The following BAZ2B variants were observed in gnomAD, a reference collection of about 807,000 sequenced individuals.
BAZ2B encodes the protein bromodomain adjacent to zinc finger domain 2B.
A neutral mutation model predicts 246.0 loss-of-function variants in BAZ2B; 91 were observed. That is an observed-to-expected ratio of 0.37 (90% CI 0.31 to 0.44). The LOEUF is 0.44. Ranked by LOEUF, BAZ2B falls within the 20% of genes least tolerant of loss-of-function variation. BAZ2B has a pLI of 1.00. For synonymous variants in BAZ2B, 855 were observed against 860.0 expected, an observed-to-expected ratio of 0.99 and a Z score of 0.10; for missense variants, 2,332 against 2,533.7, an observed-to-expected ratio of 0.92 and a Z score of 1.71.
At chr2:159,350,980 C>T (rs942621880) in intron 27 of BAZ2B, among the ~76,000 whole-genome samples, 7 of 152,046 alleles carry the variant, frequency 4.6e-5, no homozygotes, top group Admixed American at 1.3e-4. Context: ...GTGGGTGCAG[C>T]GCACCAGCAT....
Position 159,431,113 on chromosome 2 carries a change from T to C in BAZ2B, c.1944A>G (p.Glu648=), listed in dbSNP as rs774113993. 1.9e-6 allele frequency: 3 copies of C among 1,612,450 alleles called. No individual in the cohort carries two copies. Among genetic ancestry groups the C allele is most frequent in the Admixed American group, 1.7e-5 (1 of 59,962 alleles). Residue 648 remains glutamate (E), a synonymous_variant, in exon 10 of 37, where the codon GAA becomes GAG. Coordinates refer to ENST00000392783, the MANE Select transcript of BAZ2B (RefSeq NM_013450.4). ...NSESDTEGSE[E]EDDDDKDQDE... is the part of the protein sequence containing the mutation. ...CTTGGTCTTTATCATCATCATCTTC[T>C]TCTTCTGATCCTTCTGTATCTGATT...
At chr2:159,685,202 T>C in the BAZ2B span, among the ~76,000 whole-genome samples, 3 of 152,112 alleles carry the variant, frequency 2.0e-5, no homozygotes, top group African/African-American at 7.2e-5. Flanking sequence ...AAGCTACAAA[T>C]AAAATATAGA....
chr2:159,673,816 A>G, the BAZ2B span, among the ~76,000 whole-genome samples: 6,314 of 152,254 alleles, frequency 0.041, 417 homozygotes, highest in African/African-American at 0.14. Flanking sequence ...ATTACATGTG[A>G]AGATATACAT....
At chr2:159,579,763 C>T (rs1322896136) in intron 1 of BAZ2B, among the ~76,000 whole-genome samples, 1 of 152,194 alleles carries the variant, frequency 6.6e-6, no homozygotes. Context: ...GCTGGTTCAA[C>T]ATACACAAAT....
the BAZ2B span, among the ~76,000 whole-genome samples, chr2:159,687,041 C>CAAA: frequency 0.33 from 36,303 of 109,042 alleles, 6,999 homozygotes; most frequent in South Asian, 0.41. Flanking sequence ...GACTCCATCT[C>CAAA]AAAAAAAAAA....
At chr2:159,592,598 A>G (rs1689656204) in intron 1 of BAZ2B, among the ~76,000 whole-genome samples, 1 of 152,236 alleles carries the variant, frequency 6.6e-6, no homozygotes, top group South Asian at 2.1e-4. Context: ...CTTTGGTGGA[A>G]GCAAGCTGCC....
In BAZ2B at chr2:159,348,820, A is replaced by G; in HGVS notation, c.5151T>C (p.Gly1717=). The change falls in exon 30 of 37, where the codon GGT becomes GGC. Residue 1717 remains glycine (G), a synonymous_variant. Transcript: ENST00000392783. ...PKPIPEEMQF[G]WWRIIDPEDL... ...CCTCTGGGTCAATAATTCTCCACCA[A>G]CCAAACTGCATTTCTAAGTCAAGAT... 1 of 1,597,326 alleles carries G rather than the reference A, an allele frequency of 6.3e-7. No individual in the cohort carries two copies. Among genetic ancestry groups the G allele is most frequent in the African/African-American group, 1.4e-5 (1 of 73,824 alleles).
intron 2 of BAZ2B, among the ~76,000 whole-genome samples, chr2:159,524,104 A>C (rs540469565): frequency 1.8e-4 from 27 of 152,266 alleles, no homozygotes; most frequent in African/African-American, 6.3e-4. Context: ...GCCTTTCTTC[A>C]AATAAAATAT....
At chr2:159,579,697 C>A (rs948211960) in intron 1 of BAZ2B, among the ~76,000 whole-genome samples, 14 of 152,044 alleles carry the variant, frequency 9.2e-5, no homozygotes, top group African/African-American at 3.4e-4. Flanking sequence ...CAAACTGAAT[C>A]CAGCAGCAAA....
At chr2:159,336,044 C>T (rs1178744494) in intron 33 of BAZ2B, among the ~76,000 whole-genome samples, 3 of 152,042 alleles carry the variant, frequency 2.0e-5, no homozygotes, top group Non-Finnish European at 4.4e-5. Flanking sequence ...GCCTGTAATC[C>T]CAGTTACTCA....
intron 1 of BAZ2B, among the ~76,000 whole-genome samples, chr2:159,591,284 CTT>C (rs893523183): frequency 1.3e-5 from 2 of 152,164 alleles, no homozygotes; most frequent in Non-Finnish European, 2.9e-5. Flanking sequence ...GTTCCAGACT[CTT>C]TTTTTCTGAT....
At chr2:159,674,462 C>T in the BAZ2B span, among the ~76,000 whole-genome samples, 44 of 151,882 alleles carry the variant, frequency 2.9e-4, no homozygotes, top group African/African-American at 1.1e-3. Context: ...TGCCTGCATT[C>T]CCAGCACTTT....
intron 27 of BAZ2B, among the ~76,000 whole-genome samples, chr2:159,359,849 A>G (rs1019780914): frequency 1.3e-5 from 2 of 152,220 alleles, no homozygotes; most frequent in Non-Finnish European, 2.9e-5. Flanking sequence ...GACCAATGAC[A>G]AAACCCACAT....
intron 16 of BAZ2B, among the ~76,000 whole-genome samples, chr2:159,401,801 T>C (rs1483386775): frequency 2.0e-5 from 3 of 152,132 alleles, no homozygotes; most frequent in African/African-American, 7.2e-5. Flanking sequence ...TGTTCCTTAA[T>C]CCGTTCAAAA....
chr2:159,648,844 T>C, the BAZ2B span, among the ~76,000 whole-genome samples: 6 of 152,176 alleles, frequency 3.9e-5, no homozygotes, highest in African/African-American at 1.4e-4. Flanking sequence ...AGGAGTGGAA[T>C]AGCTGGATCA....
intron 1 of BAZ2B, among the ~76,000 whole-genome samples, chr2:159,578,149 A>G (rs1241411665): frequency 6.6e-6 from 1 of 152,196 alleles, no homozygotes; most frequent in African/African-American, 2.4e-5. Context: ...GTACTAAATG[A>G]AGACAAAAAT....
chr2:159,676,088 T>C, the BAZ2B span, among the ~76,000 whole-genome samples: 3 of 152,202 alleles, frequency 2.0e-5, no homozygotes, highest in East Asian at 3.9e-4. Context: ...AATGATGAGG[T>C]TTCACCATCT....
At chr2:159,642,238 C>CTTTTTTTTT in the BAZ2B span, among the ~76,000 whole-genome samples, 7 of 131,718 alleles carry the variant, frequency 5.3e-5, no homozygotes, top group Admixed American at 1.6e-4. Flanking sequence ...TTCTTTCTTT[C>CTTTTTTTTT]TTTTTTTTTT....
intron 25 of BAZ2B, among the ~76,000 whole-genome samples, chr2:159,382,110 C>T (rs1263439433): frequency 6.6e-6 from 1 of 152,104 alleles, no homozygotes; most frequent in African/African-American, 2.4e-5. Context: ...ACTTTCAGTG[C>T]CTTATTCGTC....
Sources: allele counts gnomAD v4.1 joint callset (sites outside exome capture counted in the v4.1 genomes callset), GRCh38; gene constraint gnomAD v4.1.1; transcripts MANE v1.5; gene names NCBI Gene and HGNC (gene_info 2026-07-23, HGNC 2026-07-21).